The following KLHL1 variants were observed in gnomAD, a reference collection of about 807,000 sequenced individuals.
KLHL1 encodes kelch-like protein 1.
Under a neutral mutation model 77.7 loss-of-function variants are expected in KLHL1, and 47 were observed. The observed-to-expected ratio is 0.60, with a 90% CI of 0.48 to 0.77. The LOEUF is 0.77. Among genes scored for constraint, KLHL1 ranks in the 30% least tolerant of loss-of-function variants. The probability of loss-of-function intolerance (pLI) is 0.00; values close to 1 mark genes in which losing one functional copy is unlikely to be tolerated. For missense variants in KLHL1, 925 were observed against 910.8 expected (o/e 1.02, Z -0.20); for synonymous variants, 360 against 325.2 (o/e 1.11, Z -1.15).
At chr13:69,898,057 GC>G (rs1326989715) in intron 4 of KLHL1, among the ~76,000 whole-genome samples, 3 of 152,194 alleles carry the variant, frequency 2.0e-5, no homozygotes, top group African/African-American at 7.2e-5. Context: ...GTCATTGGGT[GC>G]CCTCTCCTGA....
At chr13:69,993,169 A>C (rs1293287277) in intron 1 of KLHL1, among the ~76,000 whole-genome samples, 1 of 152,076 alleles carries the variant, frequency 6.6e-6, no homozygotes, top group Non-Finnish European at 1.5e-5. Flanking sequence ...CTAGAGGCTG[A>C]AGAAGAGACC....
At chr13:70,037,915 CTTT>C (rs1469834418) in intron 1 of KLHL1, among the ~76,000 whole-genome samples, 3 of 152,058 alleles carry the variant, frequency 2.0e-5, no homozygotes, top group Non-Finnish European at 2.9e-5. Flanking sequence ...CCACTTTAGA[CTTT>C]TTTATATACA....
chr13:69,888,660 A>G (rs959850732), intron 4 of KLHL1, among the ~76,000 whole-genome samples: 4 of 152,216 alleles, frequency 2.6e-5, no homozygotes, highest in Admixed American at 2.6e-4. Context: ...CACTTTAGGA[A>G]AAAACATGAC....
intron 4 of KLHL1, among the ~76,000 whole-genome samples, chr13:69,931,660 GT>G (rs1883008026): frequency 6.6e-6 from 1 of 151,474 alleles, no homozygotes; most frequent in Admixed American, 6.6e-5. Context: ...TTTTATATTT[GT>G]TCCTCAATAG....
At chr13:69,873,037 C>A (rs1364521125) in intron 5 of KLHL1, among the ~76,000 whole-genome samples, 1 of 152,126 alleles carries the variant, frequency 6.6e-6, no homozygotes, top group Non-Finnish European at 1.5e-5. Context: ...GACATCAATT[C>A]TTAGGAAATT....
rs781658816 is a variant in KLHL1 at position 70,107,614 on chromosome 13, G to A, written c.86C>T (p.Thr29Ile). The A allele has an allele frequency of 5.0e-6, 8 of 1,587,674 alleles. No homozygotes were observed. The Admixed American group carries it at 1.1e-4, about 21-fold the overall frequency. The change falls in exon 1 of 11, where the codon ACC becomes ATC. Residue 29 changes from threonine (T) to isoleucine (I), a missense_variant. Transcript: ENST00000377844. ...GCAGCCTCCCCCCGCCGGGCCGCCG[G>A]TGGAAGGAGACGGGTGGCTGAAGAG... is the stretch of plus-strand genomic sequence containing the variant. ...WKLFSHPSPS[T>I]GGPAGGGCLQ...
At chr13:70,102,462 T>C (rs1182778012) in intron 1 of KLHL1, among the ~76,000 whole-genome samples, 5 of 152,164 alleles carry the variant, frequency 3.3e-5, no homozygotes, top group Admixed American at 2.6e-4. Flanking sequence ...TCCATCACTG[T>C]CAATTTAAGA....
intron 7 of KLHL1, among the ~76,000 whole-genome samples, chr13:69,754,632 A>G (rs902920904): frequency 6.6e-6 from 1 of 152,110 alleles, no homozygotes; most frequent in African/African-American, 2.4e-5. Context: ...CCTAACTCCA[A>G]TTCATTCTTC....
At chr13:70,030,867 A>T (rs1886079524) in intron 1 of KLHL1, among the ~76,000 whole-genome samples, 1 of 152,204 alleles carries the variant, frequency 6.6e-6, no homozygotes, top group Admixed American at 6.5e-5. Flanking sequence ...AAAGAAGAAA[A>T]GAGAGAAGAA....
At chr13:69,994,664 G>T (rs888657263) in intron 1 of KLHL1, among the ~76,000 whole-genome samples, 8 of 152,088 alleles carry the variant, frequency 5.3e-5, no homozygotes, top group Admixed American at 5.3e-4. Flanking sequence ...GATTAAGGTT[G>T]AACTGGGTGA....
At chr13:69,759,317 G>A (rs1228245462) in intron 7 of KLHL1, among the ~76,000 whole-genome samples, 1 of 152,110 alleles carries the variant, frequency 6.6e-6, no homozygotes, top group Non-Finnish European at 1.5e-5. Context: ...ATTAGCTCAT[G>A]AACAAATCAA....
At chr13:69,744,574 T>C (rs1372469898) in intron 7 of KLHL1, among the ~76,000 whole-genome samples, 2 of 151,404 alleles carry the variant, frequency 1.3e-5, no homozygotes, top group African/African-American at 4.8e-5. Flanking sequence ...GTGTTCAGTT[T>C]GATGGTATTT....
chr13:69,786,603 G>A (rs1876563154), intron 7 of KLHL1, among the ~76,000 whole-genome samples: 1 of 152,172 alleles, frequency 6.6e-6, no homozygotes, highest in African/African-American at 2.4e-5. Context: ...GCACAAGACA[G>A]GGATGCCCTC....
chr13:70,070,447 A>T (rs1247556090), intron 1 of KLHL1, among the ~76,000 whole-genome samples: 2 of 152,036 alleles, frequency 1.3e-5, no homozygotes, highest in Non-Finnish European at 2.9e-5. Flanking sequence ...AAGAGAGTGG[A>T]GTAAAATATT....
chr13:69,724,383 C>T (rs931421277), intron 8 of KLHL1, among the ~76,000 whole-genome samples: 5 of 152,024 alleles, frequency 3.3e-5, no homozygotes, highest in African/African-American at 1.2e-4. Flanking sequence ...TTGACTGACA[C>T]CTGTCTAAGA....
chr13:69,802,592 TA>T (rs1168735639), intron 6 of KLHL1, among the ~76,000 whole-genome samples: 1 of 152,162 alleles, frequency 6.6e-6, no homozygotes, highest in East Asian at 1.9e-4. Context: ...TTATGTTATC[TA>T]TAGAATACAG....
chr13:69,785,275 T>C (rs1423800700), intron 7 of KLHL1, among the ~76,000 whole-genome samples: 1 of 152,054 alleles, frequency 6.6e-6, no homozygotes, highest in Non-Finnish European at 1.5e-5. Context: ...CCTCATCAAA[T>C]GTAAAAGAAT....
chr13:69,908,912 T>C (rs1192457133), intron 4 of KLHL1, among the ~76,000 whole-genome samples: 1 of 150,068 alleles, frequency 6.7e-6, no homozygotes, highest in Admixed American at 6.7e-5. Flanking sequence ...TTTCCATATA[T>C]ATTTTAAATA....
intron 7 of KLHL1, among the ~76,000 whole-genome samples, chr13:69,785,324 T>A (rs1348320376): frequency 6.6e-6 from 1 of 152,066 alleles, no homozygotes; most frequent in Non-Finnish European, 1.5e-5. Flanking sequence ...CACAGTGCAA[T>A]CAAACTAGAA....
Sources: gnomAD v4.1 joint callset for allele counts (sites outside exome capture counted in the v4.1 genomes callset) on GRCh38, gnomAD v4.1.1 for gene constraint, MANE v1.5 for transcripts, NCBI Gene and HGNC (gene_info 2026-07-23, HGNC 2026-07-21) for gene names.